CACNA1E: variants seen among roughly 807,000 people sequenced by gnomAD.
The protein encoded by CACNA1E is voltage-dependent R-type calcium channel subunit alpha-1E.
A neutral mutation model predicts 259.2 loss-of-function variants in CACNA1E; 40 were observed. That is an observed-to-expected ratio of 0.15 (90% CI 0.12 to 0.20). CACNA1E has a LOEUF of 0.20. Ranked by LOEUF, CACNA1E falls within the 10% of genes least tolerant of loss-of-function variation. The pLI is 1.00. For synonymous variants in CACNA1E, 1,104 were observed against 1,138.5 expected (o/e 0.97, Z 0.61); for missense variants, 1,874 against 3,040.1 (o/e 0.62, Z 9.02).
At chr1:181,592,681 G>A (rs1269016630) in intron 6 of CACNA1E, among the ~76,000 whole-genome samples, 1 of 152,128 alleles carries the variant, frequency 6.6e-6, no homozygotes, top group Non-Finnish European at 1.5e-5. Flanking sequence ...CTGGGGACTT[G>A]GGAAGAGAGT....
At chr1:181,527,478 A>T (rs750619770) in intron 3 of CACNA1E, among the ~76,000 whole-genome samples, 3 of 152,206 alleles carry the variant, frequency 2.0e-5, no homozygotes, top group Non-Finnish European at 4.4e-5. Context: ...TTCATCTTTG[A>T]TCTGTATTTA....
intron 1 of CACNA1E, among the ~76,000 whole-genome samples, chr1:181,338,544 A>G (rs939362889): frequency 7.6e-6 from 1 of 131,508 alleles, no homozygotes; most frequent in Non-Finnish European, 1.6e-5. Context: ...AGTTCTTTAT[A>G]TACTTTAAAT....
At chr1:181,424,027 A>G (rs1658967678) in intron 2 of CACNA1E, among the ~76,000 whole-genome samples, 1 of 152,142 alleles carries the variant, frequency 6.6e-6, no homozygotes. Flanking sequence ...GCAAAATCCA[A>G]CCTTCTCACT....
chr1:181,336,745 T>G (rs2102616904), intron 1 of CACNA1E, among the ~76,000 whole-genome samples: 1 of 152,180 alleles, frequency 6.6e-6, no homozygotes, highest in East Asian at 1.9e-4. Context: ...CCCCCAGCCC[T>G]TGGCAACCAC....
At chr1:181,375,072 T>G (rs1387581477) in intron 1 of CACNA1E, among the ~76,000 whole-genome samples, 1 of 152,208 alleles carries the variant, frequency 6.6e-6, no homozygotes. Flanking sequence ...TTCTCAGTTA[T>G]GAAGTGGGCT....
In CACNA1E at chr1:181,772,635, C is replaced by G. The variant is rs74127856; in HGVS notation, c.5139+404C>G. 5.3e-3 allele frequency among the ~76,000 whole-genome samples: 814 copies of G among 152,280 alleles called. 11 individuals carry two copies. The highest frequency in any genetic ancestry group is 0.019 in the African/African-American group (771 of 41,564). On this transcript the variant is annotated intron_variant, in intron 37 of 47. Transcript: ENST00000367573. ...ATCTTATAAGTACGTCTATGGATAT[C>G]TTCGCTTTGGGAGATTTTTGAACTG...
At chr1:181,546,560 G>A (rs1325840803) in intron 3 of CACNA1E, among the ~76,000 whole-genome samples, 27 of 152,112 alleles carry the variant, frequency 1.8e-4, no homozygotes, top group Admixed American at 1.8e-3. Flanking sequence ...TATGTTGAAA[G>A]TTTCTAAAGT....
chr1:181,735,475 G>C (rs1323952563), intron 21 of CACNA1E, among the ~76,000 whole-genome samples: 2 of 152,164 alleles, frequency 1.3e-5, no homozygotes, highest in East Asian at 3.9e-4. Context: ...GGAGCAGTGG[G>C]CGAGGGTGAC....
intron 6 of CACNA1E, among the ~76,000 whole-genome samples, chr1:181,615,976 C>T (rs1248326735): frequency 6.6e-6 from 1 of 152,076 alleles, no homozygotes; most frequent in Non-Finnish European, 1.5e-5. Flanking sequence ...TTTTTTTCTG[C>T]AGCTATTGCA....
chr1:181,489,128 C>T (rs1451786582), intron 1 of CACNA1E, among the ~76,000 whole-genome samples: 1 of 152,188 alleles, frequency 6.6e-6, no homozygotes. Flanking sequence ...CCCAGATGTG[C>T]AATCCAGTCC....
intron 43 of CACNA1E, among the ~76,000 whole-genome samples, chr1:181,786,808 A>G (rs1262474664): frequency 6.6e-6 from 1 of 152,208 alleles, no homozygotes; most frequent in African/African-American, 2.4e-5. Flanking sequence ...CTTGGGAATG[A>G]GACTTCTGTC....
intron 3 of CACNA1E, among the ~76,000 whole-genome samples, chr1:181,543,995 A>G (rs999263311): frequency 6.6e-6 from 1 of 152,172 alleles, no homozygotes; most frequent in Non-Finnish European, 1.5e-5. Context: ...CATAACATAT[A>G]CCCATACAAA....
At chr1:181,580,072 A>G (rs1169203550) in intron 5 of CACNA1E, among the ~76,000 whole-genome samples, 3 of 152,194 alleles carry the variant, frequency 2.0e-5, no homozygotes, top group African/African-American at 7.2e-5. Flanking sequence ...CTTTTTATGA[A>G]AAGAACCTTA....
Position 181,483,669 on chromosome 1 carries a change from T to A in CACNA1E, c.-76T>A, listed in dbSNP as rs1337684341. The A allele has an allele frequency of 7.7e-6, 8 of 1,034,646 alleles. No individual in the cohort carries two copies. In the African/African-American group the frequency reaches 1.1e-4, roughly 15 times the overall value. 64.1% of individuals were successfully genotyped at this position (1,034,646 alleles called of 1,614,324 possible). A position where few individuals can be genotyped will look rare whatever the true frequency, so the allele number is the denominator to read the frequency against. ...GGATGCGGCTCTGAGTCTCCGTGTG[T>A]CTTTCTGCTTGTTGCTGTGTGCGGG... On this transcript the variant is annotated 5_prime_UTR_variant, in exon 1 of 48. Transcript: ENST00000367573.
At chr1:181,343,691 G>A (rs1291812686) in intron 1 of CACNA1E, among the ~76,000 whole-genome samples, 1 of 152,226 alleles carries the variant, frequency 6.6e-6, no homozygotes, top group Non-Finnish European at 1.5e-5. Context: ...AATCAAGGAG[G>A]CGACAGCTTT....
chr1:181,590,410 A>G (rs1030669526), intron 6 of CACNA1E, among the ~76,000 whole-genome samples: 10 of 119,190 alleles, frequency 8.4e-5, no homozygotes, highest in Non-Finnish European at 1.7e-4. Flanking sequence ...ACAAAAAAAA[A>G]AAAAAAATAT....
chr1:181,732,240 C>T lies in CACNA1E; in HGVS notation c.2298-144C>T, dbSNP rs560351514. ...CGTGTGGCCCGCCTGCTCCTCGCAT[C>T]TTTCTGTGCTTCCTGTCTGCAGGTC... On this transcript the variant is annotated intron_variant, in intron 19 of 47. Coordinates refer to ENST00000367573, the MANE Select transcript of CACNA1E (RefSeq NM_001205293.3). This position sits in a 1 kb window ranked among gnomAD's most constrained non-coding sequence, Gnocchi z 5.5. 97 of 1,287,010 alleles carry T rather than the reference C, an allele frequency of 7.5e-5. No individual in the cohort carries two copies. The African/African-American group carries it at 1.3e-3, about 18-fold the overall frequency. 79.7% of individuals were successfully genotyped at this position (1,287,010 alleles called of 1,614,324 possible).
In CACNA1E at chr1:181,801,962, T is replaced by TTTAG. The variant is rs71571286; in HGVS notation, c.*3132_*3135dup. The TTTAG allele has an allele frequency of 0.16, 24,654 of 152,096 alleles. 2,466 individuals carry two copies. Among genetic ancestry groups the TTTAG allele is most frequent in the Non-Finnish European group, 0.22 (14,741 of 67,936 alleles). The allele number at this position is 152,096 out of a possible 1,614,324, so 9.4% of individuals were successfully genotyped here. On this transcript the variant is annotated 3_prime_UTR_variant, in exon 48 of 48. Coordinates refer to ENST00000367573, the MANE Select transcript of CACNA1E (RefSeq NM_001205293.3). ...GGGAGATGTTCTAAGTAGGTTTGCATTTAGTTACCCCTCATTTCACTTAAG... is the reference window on the plus strand; with the variant it reads ...GGGAGATGTTCTAAGTAGGTTTGCATTTAGTTAGTTACCCCTCATTTCACTTAAG...
chr1:181,778,385 T>C (rs371340530), intron 38 of CACNA1E, among the ~76,000 whole-genome samples: 11 of 152,094 alleles, frequency 7.2e-5, no homozygotes, highest in East Asian at 1.9e-4. Flanking sequence ...TCTGGAAGAA[T>C]AGGAGGAATC....
Sources: gnomAD v4.1 joint callset for allele counts (sites outside exome capture counted in the v4.1 genomes callset) on GRCh38, gnomAD v4.1.1 for gene constraint, Gnocchi (gnomAD v3.1) non-coding constraint, MANE v1.5 for transcripts, NCBI Gene and HGNC (gene_info 2026-07-23, HGNC 2026-07-21) for gene names.